Variants in TENM1 observed in about 807,000 individuals in gnomAD.
TENM1 encodes the protein teneurin-1.
TENM1 carries 35 observed loss-of-function variants against 174.8 expected under a neutral mutation model. The ratio of observed to expected loss-of-function variants is 0.20; its 90% CI spans 0.15 to 0.27. The LOEUF (loss-of-function observed/expected upper bound fraction) is 0.27, where lower values mean the gene tolerates loss of function less well. Ranked by LOEUF, TENM1 falls within the 10% of genes least tolerant of loss-of-function variation. The pLI, the probability that TENM1 is intolerant of heterozygous loss-of-function variation, is 1.00. For synonymous variants in TENM1, 781 were observed against 798.7 expected (o/e 0.98, Z 0.37); for missense variants, 1,633 against 2,130.1 (o/e 0.77, Z 4.59).
chrX:124,678,664 C>T (rs1193351764), intron 5 of TENM1, among the ~76,000 whole-genome samples: 1 of 110,944 alleles, frequency 9.0e-6, no homozygotes, highest in African/African-American at 3.3e-5. Context: ...TTCCCAGATA[C>T]ATAAAACAGA....
chrX:124,428,544 A>T (rs929709476), intron 23 of TENM1, among the ~76,000 whole-genome samples: 4 of 111,744 alleles, frequency 3.6e-5, no homozygotes, highest in Non-Finnish European at 7.5e-5. Flanking sequence ...TTAGTATGTA[A>T]CCCTTGGCAA....
chrX:125,185,351 G>C, the TENM1 span, among the ~76,000 whole-genome samples: 1 of 112,067 alleles, frequency 8.9e-6, no homozygotes, highest in Non-Finnish European at 1.9e-5. Flanking sequence ...GTTCCCATTA[G>C]TTAAGAAGAC....
At chrX:124,727,988 T>C (rs753324653) in intron 4 of TENM1, among the ~76,000 whole-genome samples, 2 of 111,365 alleles carry the variant, frequency 1.8e-5, no homozygotes, top group East Asian at 5.7e-4. Context: ...TTTTAAACAT[T>C]TTAGAAAATA....
At chrX:124,642,493 A>G (rs2051043999) in intron 10 of TENM1, among the ~76,000 whole-genome samples, 1 of 112,630 alleles carries the variant, frequency 8.9e-6, no homozygotes, top group Admixed American at 9.4e-5. Context: ...GTTGCATGAA[A>G]TAATAAAATT....
At chrX:124,647,941 TAGA>T (rs1464341122) in intron 8 of TENM1, among the ~76,000 whole-genome samples, 2 of 112,030 alleles carry the variant, frequency 1.8e-5, no homozygotes, top group Non-Finnish European at 3.8e-5. Context: ...TATTTCTGAT[TAGA>T]AGGAGAGATT....
At chrX:124,495,129 A>T (rs1441131037) in intron 20 of TENM1, among the ~76,000 whole-genome samples, 4,714 of 39,097 alleles carry the variant, frequency 0.12, no homozygotes, top group Admixed American at 0.12. Flanking sequence ...AGTCCCACCA[A>T]CAGTGTAAAA....
intron 10 of TENM1, among the ~76,000 whole-genome samples, chrX:124,642,916 G>A (rs1019706765): frequency 8.9e-6 from 1 of 112,368 alleles, no homozygotes; most frequent in Non-Finnish European, 1.9e-5. Flanking sequence ...CAAATAGACT[G>A]TGACAACCCG....
At chrX:124,561,467 A>G (rs1430653197) in intron 14 of TENM1, among the ~76,000 whole-genome samples, 6 of 111,392 alleles carry the variant, frequency 5.4e-5, no homozygotes, top group African/African-American at 2.0e-4. Flanking sequence ...CATGCAAAAA[A>G]AATTGGAGTA....
chrX:124,459,621 CCCAAAACTATAAA>C (rs1250274174), intron 22 of TENM1, among the ~76,000 whole-genome samples: 3 of 111,608 alleles, frequency 2.7e-5, no homozygotes, highest in African/African-American at 9.8e-5. Context: ...AAAAGTAAAA[CCCAAAACTATAAA>C]AACCCTGGAA....
the TENM1 span, among the ~76,000 whole-genome samples, chrX:125,191,642 T>G: frequency 1.8e-5 from 2 of 111,894 alleles, no homozygotes; most frequent in African/African-American, 6.5e-5. Flanking sequence ...GGACAGTGCT[T>G]TGCCTAGGAA....
At chrX:124,585,554 T>G (rs1454944382) in intron 11 of TENM1, among the ~76,000 whole-genome samples, 1 of 110,914 alleles carries the variant, frequency 9.0e-6, no homozygotes, top group African/African-American at 3.3e-5. Flanking sequence ...GATGGAAATT[T>G]ATAGCACTAA....
chrX:124,736,136 A>T (rs1361775922), intron 4 of TENM1, among the ~76,000 whole-genome samples: 1 of 112,482 alleles, frequency 8.9e-6, no homozygotes, highest in Non-Finnish European at 1.9e-5. Flanking sequence ...ACACAAAAAA[A>T]CAAGGGGAAG....
intron 11 of TENM1, among the ~76,000 whole-genome samples, chrX:124,634,131 C>G (rs1314074495): frequency 4.5e-5 from 5 of 111,006 alleles, no homozygotes; most frequent in Non-Finnish European, 7.6e-5. Context: ...AATAATGAAG[C>G]CTGCATATGA....
chrX:124,380,072 A>G (rs2060139942), exon 32 of TENM1: 1 of 114,781 alleles, frequency 8.7e-6, no homozygotes, highest in African/African-American at 3.2e-5. Context: ...AGTTTCCTAT[A>G]ACAGATCTGG....
At chrX:125,039,587 A>G in the TENM1 span, among the ~76,000 whole-genome samples, 1 of 111,525 alleles carries the variant, frequency 9.0e-6, no homozygotes, top group African/African-American at 3.2e-5. Context: ...CCTGAACCTA[A>G]TAGATAAAAA....
At chrX:124,814,390 G>T (rs2055853114) in intron 3 of TENM1, among the ~76,000 whole-genome samples, 1 of 110,871 alleles carries the variant, frequency 9.0e-6, no homozygotes, top group South Asian at 3.8e-4. Flanking sequence ...CTTCTTAGGG[G>T]TTCAAACTCA....
chrX:124,418,635 G>A (rs191454209), intron 25 of TENM1, among the ~76,000 whole-genome samples: 16 of 111,676 alleles, frequency 1.4e-4, no homozygotes, highest in Admixed American at 1.9e-4. Context: ...TATCCCCAGC[G>A]CCTAGAACAT....
the TENM1 span, among the ~76,000 whole-genome samples, chrX:125,035,038 AT>A: frequency 8.9e-6 from 1 of 111,948 alleles, no homozygotes; most frequent in Non-Finnish European, 1.9e-5. Flanking sequence ...CAGTGTTTGG[AT>A]ATAGGAGGTG....
exon 20 of TENM1, chrX:124,497,099 A>C: frequency 8.3e-7 from 1 of 1,210,279 alleles, no homozygotes; most frequent in African/African-American, 1.7e-5. Flanking sequence ...CACTGCCATC[A>C]GGGCCAGAAG....
Sources: gnomAD v4.1 joint callset for allele counts (sites outside exome capture counted in the v4.1 genomes callset) on GRCh38, gnomAD v4.1.1 for gene constraint, MANE v1.5 for transcripts, NCBI Gene and HGNC (gene_info 2026-07-23, HGNC 2026-07-21) for gene names.